GRM5: variants seen among roughly 807,000 people sequenced by gnomAD.
GRM5 encodes glutamate metabotropic receptor 5, also known as metabotropic glutamate receptor 5.
A neutral mutation model predicts 83.1 loss-of-function variants in GRM5; 19 were observed. The observed-to-expected ratio is 0.23, with a 90% CI of 0.16 to 0.34. The LOEUF is 0.34. GRM5 is among the 10% of genes least tolerant of loss of function. The probability of loss-of-function intolerance (pLI) is 1.00; values close to 1 mark genes in which losing one functional copy is unlikely to be tolerated. For synonymous variants in GRM5, 675 were observed against 633.6 expected (o/e 1.07, Z -0.98); for missense variants, 1,160 against 1,588.3 (o/e 0.73, Z 4.58).
At chr11:88,566,144 C>A (rs1033680143) in intron 8 of GRM5, among the ~76,000 whole-genome samples, 9 of 152,130 alleles carry the variant, frequency 5.9e-5, no homozygotes, top group African/African-American at 2.2e-4. Flanking sequence ...GATGTCTTGA[C>A]CAGCTCTTTT....
chr11:89,022,828 T>A (rs185906546), intron 2 of GRM5, among the ~76,000 whole-genome samples: 169 of 152,306 alleles, frequency 1.1e-3, no homozygotes, highest in African/African-American at 3.9e-3. Context: ...AAGAAGTGGA[T>A]CACTTGTCAT....
At chr11:88,543,590 G>GAAA (rs138823034) in intron 8 of GRM5, among the ~76,000 whole-genome samples, 3 of 137,034 alleles carry the variant, frequency 2.2e-5, no homozygotes, top group African/African-American at 8.2e-5. Flanking sequence ...CAGAGAAGAG[G>GAAA]AAAAAAAAAA....
intron 4 of GRM5, among the ~76,000 whole-genome samples, chr11:88,620,150 G>A (rs1184148214): frequency 6.6e-6 from 1 of 152,150 alleles, no homozygotes; most frequent in Non-Finnish European, 1.5e-5. Flanking sequence ...AATACTTTCT[G>A]TCATGCATTA....
chr11:88,573,223 A>G (rs1943041975), intron 7 of GRM5, among the ~76,000 whole-genome samples: 1 of 152,162 alleles, frequency 6.6e-6, no homozygotes, highest in Non-Finnish European at 1.5e-5. Context: ...TGCCAAAACT[A>G]TATTGTCCAC....
intron 4 of GRM5, among the ~76,000 whole-genome samples, chr11:88,642,522 C>T (rs1170370603): frequency 6.6e-6 from 1 of 152,186 alleles, no homozygotes; most frequent in Admixed American, 6.5e-5. Flanking sequence ...GCCACACAGT[C>T]AGGCTGTAAA....
chr11:89,052,309 G>A (rs1941777621), intron 1 of GRM5, among the ~76,000 whole-genome samples: 1 of 152,076 alleles, frequency 6.6e-6, no homozygotes, highest in Non-Finnish European at 1.5e-5. Flanking sequence ...ATATTGCAAA[G>A]GTACAGCTAA....
At chr11:88,803,690 CT>C (rs1943443652) in intron 3 of GRM5, among the ~76,000 whole-genome samples, 1 of 152,146 alleles carries the variant, frequency 6.6e-6, no homozygotes, top group African/African-American at 2.4e-5. Flanking sequence ...CAAATGGGAT[CT>C]AATTAAACTA....
intron 3 of GRM5, among the ~76,000 whole-genome samples, chr11:88,793,094 T>C (rs2135477024): frequency 6.6e-6 from 1 of 152,282 alleles, no homozygotes; most frequent in East Asian, 1.9e-4. Context: ...TATACCCTTC[T>C]GTTCAGACTC....
intron 9 of GRM5, chr11:88,511,790 G>A (rs918060117): frequency 6.6e-6 from 1 of 152,180 alleles, no homozygotes; most frequent in African/African-American, 2.4e-5. Flanking sequence ...GAAGAAATGG[G>A]CCAGTTTATT....
At chr11:88,809,114 A>T (rs1438560556) in intron 3 of GRM5, among the ~76,000 whole-genome samples, 1 of 152,060 alleles carries the variant, frequency 6.6e-6, no homozygotes, top group Non-Finnish European at 1.5e-5. Flanking sequence ...ACTGAGAAAA[A>T]GCATAGAGCA....
At chr11:89,005,212 TGAAA>T (rs1192298296) in intron 2 of GRM5, among the ~76,000 whole-genome samples, 1 of 152,192 alleles carries the variant, frequency 6.6e-6, no homozygotes, top group African/African-American at 2.4e-5. Flanking sequence ...AATGTAAGTA[TGAAA>T]GAAAGAAATT....
At chr11:88,815,774 A>C (rs1392456429) in intron 3 of GRM5, among the ~76,000 whole-genome samples, 1 of 152,224 alleles carries the variant, frequency 6.6e-6, no homozygotes, top group Non-Finnish European at 1.5e-5. Context: ...TCTATTCATG[A>C]GGAATCGGTT....
At chr11:88,527,405 TATGAAATATGGAA>T (rs1454950221) in intron 8 of GRM5, among the ~76,000 whole-genome samples, 2 of 152,144 alleles carry the variant, frequency 1.3e-5, no homozygotes, top group African/African-American at 2.4e-5. Context: ...GACCTCTGTT[TATGAAATATGGAA>T]TAGATCCTAA....
At chr11:88,627,928 C>A (rs1938847828) in intron 4 of GRM5, among the ~76,000 whole-genome samples, 1 of 152,158 alleles carries the variant, frequency 6.6e-6, no homozygotes, top group Admixed American at 6.6e-5. Flanking sequence ...GAAAATTCCC[C>A]AAATCATGGT....
intron 3 of GRM5, among the ~76,000 whole-genome samples, chr11:88,680,305 A>G (rs945089906): frequency 3.9e-5 from 6 of 151,964 alleles, no homozygotes; most frequent in Non-Finnish European, 7.4e-5. Flanking sequence ...TCATTGTTCA[A>G]TTCCCACCTA....
At chr11:88,608,873 A>G (rs1041261189) in intron 4 of GRM5, among the ~76,000 whole-genome samples, 3 of 152,160 alleles carry the variant, frequency 2.0e-5, no homozygotes, top group Non-Finnish European at 4.4e-5. Context: ...TTTCTGGCAC[A>G]CAGTTGGCCA....
At chr11:88,776,432 T>C (rs1462432693) in intron 3 of GRM5, among the ~76,000 whole-genome samples, 1 of 152,198 alleles carries the variant, frequency 6.6e-6, no homozygotes, top group African/African-American at 2.4e-5. Flanking sequence ...ATTTAGACCA[T>C]TTACATTTAA....
intron 8 of GRM5, among the ~76,000 whole-genome samples, chr11:88,542,599 A>G (rs1942291628): frequency 1.3e-5 from 2 of 152,184 alleles, no homozygotes; most frequent in Admixed American, 1.3e-4. Flanking sequence ...TGTAAATGAT[A>G]TACTTAAACA....
intron 3 of GRM5, among the ~76,000 whole-genome samples, chr11:88,799,322 T>C (rs911381691): frequency 2.0e-5 from 3 of 151,628 alleles, no homozygotes; most frequent in Admixed American, 6.7e-5. Context: ...CCGTTTAACA[T>C]AGCAATTTAT....
Sources: gnomAD v4.1 joint callset for allele counts (sites outside exome capture counted in the v4.1 genomes callset) on GRCh38, gnomAD v4.1.1 for gene constraint, MANE v1.5 for transcripts, NCBI Gene and HGNC (gene_info 2026-07-23, HGNC 2026-07-21) for gene names.